NRG2: variants seen among roughly 807,000 people sequenced by gnomAD.
NRG2 encodes the protein neuregulin 2.
NRG2 carries 27 observed loss-of-function variants against 73.9 expected under a neutral mutation model. That is an observed-to-expected ratio of 0.37 (90% CI 0.27 to 0.50). The LOEUF (loss-of-function observed/expected upper bound fraction) is 0.50, where lower values mean the gene tolerates loss of function less well. Among genes scored for constraint, NRG2 ranks in the 20% least tolerant of loss-of-function variants. NRG2 has a pLI of 0.96. For missense variants in NRG2, 1,126 were observed against 1,210.1 expected (o/e 0.93, Z 1.03); for synonymous variants, 532 against 541.0 (o/e 0.98, Z 0.23).
rs559678366 is a variant in NRG2, at chr5:139,927,242, G to C, written c.701-39731C>G. 4.6e-5 allele frequency among the ~76,000 whole-genome samples: 7 copies of C among 152,312 alleles called. No individual in the cohort carries two copies. The East Asian group carries it at 1.4e-3, about 29-fold the overall frequency. On this transcript the variant is annotated intron_variant, in intron 1 of 9. Coordinates refer to ENST00000361474, the MANE Select transcript of NRG2 (RefSeq NM_004883.3). The stretch of plus-strand genomic sequence containing the variant: ...GCTGTCTCTCCAGGAGACCATACTG[G>C]GAGTGTGTGCAAGTGGGAGTAGCAG...
chr5:139,895,223 A>C (rs1466690896), intron 1 of NRG2, among the ~76,000 whole-genome samples: 1 of 152,244 alleles, frequency 6.6e-6, no homozygotes, highest in Non-Finnish European at 1.5e-5. Context: ...GCATCCTGAG[A>C]GAAACACTGG....
chr5:139,888,539 C>T (rs1764016948), intron 1 of NRG2, among the ~76,000 whole-genome samples: 1 of 152,170 alleles, frequency 6.6e-6, no homozygotes. Flanking sequence ...CTGATTGGCC[C>T]TGTCTCGGCC....
intron 1 of NRG2, among the ~76,000 whole-genome samples, chr5:139,997,597 A>G (rs1202095205): frequency 6.6e-6 from 1 of 152,250 alleles, no homozygotes. Flanking sequence ...CTGAGGACAG[A>G]CATGGCAGAG....
intron 1 of NRG2, among the ~76,000 whole-genome samples, chr5:139,896,800 C>G (rs180897115): frequency 9.9e-5 from 15 of 152,278 alleles, no homozygotes; most frequent in African/African-American, 3.1e-4. Flanking sequence ...TCCCCACCCC[C>G]CAGTACCATG....
chr5:140,037,369 G>A (rs542675831), intron 1 of NRG2, among the ~76,000 whole-genome samples: 27 of 152,256 alleles, frequency 1.8e-4, no homozygotes, highest in African/African-American at 5.1e-4. Flanking sequence ...AAAACTTAAC[G>A]GCAAAGTATC....
At chr5:140,032,490 C>G (rs1019927326) in intron 1 of NRG2, among the ~76,000 whole-genome samples, 3 of 152,140 alleles carry the variant, frequency 2.0e-5, no homozygotes, top group African/African-American at 7.2e-5. Flanking sequence ...AGGTACTTTC[C>G]ATGGTTGTCC....
Position 139,887,377 on chromosome 5 carries a change from G to A in NRG2, c.835C>T (p.Arg279Cys), listed in dbSNP as rs1226659673. ...RWFKDGKELN[R>C]SRDIRIKYGN... ...TATTTGATGCGAATGTCTCGGCTGCGGTTGAGCTCCTTGCCATCCTTGAAC... is the reference window on the plus strand; with the variant it reads ...TATTTGATGCGAATGTCTCGGCTGCAGTTGAGCTCCTTGCCATCCTTGAAC... Residue 279 changes from arginine to cysteine, a missense_variant, in exon 2 of 10, where the codon CGC (arginine) becomes TGC (cysteine). This residue lies in a region of NRG2 where 539 missense variants were observed against 703.2 expected (regional missense o/e 0.77). Coordinates refer to ENST00000361474, the MANE Select transcript of NRG2 (RefSeq NM_004883.3). This position sits in a 1 kb window ranked among gnomAD's most constrained non-coding sequence, Gnocchi z 4.5. 17 of 1,614,230 alleles carry A rather than the reference G, an allele frequency of 1.1e-5. No individual in the cohort carries two copies. The highest frequency in any genetic ancestry group is 3.3e-5 in the South Asian group (3 of 91,080).
At position 139,851,721 on chromosome 5, in the gene NRG2, C is replaced by T; in HGVS notation, c.1655G>A (p.Cys552Tyr). The change falls in exon 9 of 10, where the codon TGT (cysteine) becomes TAT (tyrosine). Residue 552 changes from cysteine to tyrosine, a missense_variant. Around this residue, in one of 3 missense-constraint regions of NRG2, gnomAD observed 539 missense variants for 703.2 expected, o/e 0.77. Transcript: ENST00000361474. This position sits in a 1 kb window ranked among gnomAD's most constrained non-coding sequence, Gnocchi z 4.2. ...VGTSKCNSPA[C>Y]VEARARRAAA... ...TGCCCGCCTTGCCCGGGCCTCCACA[C>T]ATGCTGGGCTGTTGCATTTGCTGGT... 6.2e-7 allele frequency: 1 copy of T among 1,614,250 alleles called. No individual in the cohort carries two copies. The highest frequency in any genetic ancestry group is 8.5e-7 in the Non-Finnish European group (1 of 1,180,042).
At chr5:139,909,945 C>T (rs532161247) in intron 1 of NRG2, among the ~76,000 whole-genome samples, 9 of 152,296 alleles carry the variant, frequency 5.9e-5, no homozygotes, top group East Asian at 1.9e-4. Context: ...CCCTGTAAGC[C>T]GCAATGGGTT....
chr5:139,965,207 C>A (rs1036137188), intron 1 of NRG2, among the ~76,000 whole-genome samples: 14 of 152,318 alleles, frequency 9.2e-5, no homozygotes, highest in Middle Eastern at 6.8e-3. Context: ...TAAGAGCCTG[C>A]GTGAATGGTC....
Position 139,887,696 on chromosome 5 carries a change from T to C in NRG2, c.701-185A>G, listed in dbSNP as rs1360665900. Among the ~76,000 whole-genome samples, 1 of 152,182 alleles carries C rather than the reference T, an allele frequency of 6.6e-6. No individual in the cohort carries two copies. Among genetic ancestry groups the C allele is most frequent in the Non-Finnish European group, 1.5e-5 (1 of 68,034 alleles). ...ATAAGCATTTATAATGAGTCTGTGA[T>C]GACATCAATGTAGTTATAACTTATG... On this transcript the variant is annotated intron_variant, in intron 1 of 9. Transcript: ENST00000361474. The surrounding 1 kb of genome is among the most constrained non-coding windows in gnomAD (Gnocchi z 4.5).
At chr5:139,858,334 G>A (rs1761936323) in intron 5 of NRG2, among the ~76,000 whole-genome samples, 1 of 152,188 alleles carries the variant, frequency 6.6e-6, no homozygotes, top group Non-Finnish European at 1.5e-5. Flanking sequence ...TGTTTGCAGG[G>A]TTGGCCACTT....
At chr5:140,037,637 CG>C (rs1309413301) in intron 1 of NRG2, among the ~76,000 whole-genome samples, 1 of 152,128 alleles carries the variant, frequency 6.6e-6, no homozygotes, top group East Asian at 1.9e-4. Flanking sequence ...GGGCCGGGCG[CG>C]GTGGCTCACG....
At chr5:139,858,865 T>C (rs535697734) in intron 5 of NRG2, among the ~76,000 whole-genome samples, 97 of 152,294 alleles carry the variant, frequency 6.4e-4, no homozygotes, top group Non-Finnish European at 9.0e-4. Flanking sequence ...CCAGTAGCTA[T>C]AGACAGATGC....
At chr5:139,898,844 C>A (rs533977706) in intron 1 of NRG2, among the ~76,000 whole-genome samples, 1 of 152,214 alleles carries the variant, frequency 6.6e-6, no homozygotes, top group Non-Finnish European at 1.5e-5. Flanking sequence ...CTGGATTGTG[C>A]CTTATTTCCC....
chr5:139,971,954 A>G (rs753666127), intron 1 of NRG2, among the ~76,000 whole-genome samples: 1 of 152,210 alleles, frequency 6.6e-6, no homozygotes, highest in Non-Finnish European at 1.5e-5. Flanking sequence ...GAACAAAAAA[A>G]GAGAACGTGC....
intron 1 of NRG2, among the ~76,000 whole-genome samples, chr5:140,024,285 C>T (rs1346709558): frequency 4.0e-5 from 6 of 149,606 alleles, no homozygotes; most frequent in Non-Finnish European, 8.9e-5. Flanking sequence ...GACGGAGTCT[C>T]GCTTTGTCGC....
At chr5:139,939,243 C>T (rs11167852) in intron 1 of NRG2, among the ~76,000 whole-genome samples, 1,144 of 69,240 alleles carry the variant, frequency 0.017, 3 homozygotes, top group Non-Finnish European at 0.019. Context: ...TTCCTTCCTT[C>T]CTTTCTTTCT....
intron 1 of NRG2, among the ~76,000 whole-genome samples, chr5:139,970,877 C>T (rs955694184): frequency 1.8e-4 from 27 of 152,320 alleles, no homozygotes; most frequent in Non-Finnish European, 3.2e-4. Context: ...TTAGCACTAT[C>T]CATGAAACCT....
Sources: gnomAD v4.1 joint callset for allele counts (sites outside exome capture counted in the v4.1 genomes callset) on GRCh38, gnomAD v4.1.1 for gene constraint, gnomAD v4.1.1 regional missense constraint, Gnocchi (gnomAD v3.1) non-coding constraint, MANE v1.5 for transcripts, NCBI Gene and HGNC (gene_info 2026-07-23, HGNC 2026-07-21) for gene names.